SLC39A11: variants seen among roughly 807,000 people sequenced by gnomAD.
The protein encoded by SLC39A11 is solute carrier family 39 member 11.
In SLC39A11, 33 loss-of-function variants were observed where a neutral mutation model predicts 36.1. The observed-to-expected ratio is 0.91, with a 90% CI of 0.69 to 1.22. SLC39A11 has a LOEUF of 1.22. Ranked by LOEUF, SLC39A11 falls within the 50% of genes most tolerant of loss-of-function variation. SLC39A11 has a pLI of 0.00. For synonymous variants in SLC39A11, 166 were observed against 170.3 expected, an observed-to-expected ratio of 0.97 and a Z score of 0.20; for missense variants, 432 against 430.3, an observed-to-expected ratio of 1.00 and a Z score of -0.03.
intron 5 of SLC39A11, among the ~76,000 whole-genome samples, chr17:72,924,371 T>C (rs565677660): frequency 1.7e-4 from 26 of 152,146 alleles, no homozygotes; most frequent in Non-Finnish European, 3.4e-4. Context: ...CAAAGTGGCC[T>C]GTAATTAAAT....
At chr17:72,767,559 G>T (rs1277069251) in intron 6 of SLC39A11, among the ~76,000 whole-genome samples, 1 of 152,234 alleles carries the variant, frequency 6.6e-6, no homozygotes, top group Non-Finnish European at 1.5e-5. Flanking sequence ...ATACTGCAGA[G>T]CTGGAAGACA....
At chr17:72,959,082 T>C (rs2147893203) in intron 4 of SLC39A11, among the ~76,000 whole-genome samples, 1 of 151,862 alleles carries the variant, frequency 6.6e-6, no homozygotes, top group South Asian at 2.1e-4. Flanking sequence ...TGTAAACTAG[T>C]ACAACTACTA....
intron 6 of SLC39A11, among the ~76,000 whole-genome samples, chr17:72,751,451 A>T (rs1249681280): frequency 1.3e-5 from 2 of 152,034 alleles, no homozygotes; most frequent in Non-Finnish European, 2.9e-5. Flanking sequence ...TCTTATTACC[A>T]TTTTTAATTG....
intron 6 of SLC39A11, among the ~76,000 whole-genome samples, chr17:72,792,144 T>G (rs2076728533): frequency 6.6e-6 from 1 of 152,116 alleles, no homozygotes; most frequent in South Asian, 2.1e-4. Context: ...GCTGAACATA[T>G]GACAAGCAAT....
chr17:73,062,475 A>AAAAAC (rs56021607), intron 3 of SLC39A11, among the ~76,000 whole-genome samples: 13,594 of 86,966 alleles, frequency 0.16, 2,206 homozygotes, highest in East Asian at 0.45. Flanking sequence ...AAAAAAAAAA[A>AAAAAC]AAACTTTAGG....
intron 5 of SLC39A11, among the ~76,000 whole-genome samples, chr17:72,897,068 A>AC (rs1355031584): frequency 1.3e-5 from 2 of 150,198 alleles, no homozygotes; most frequent in Non-Finnish European, 3.0e-5. Flanking sequence ...AAAAAAAAAA[A>AC]AAACAAACAG....
chr17:72,694,410 C>T (rs1007902829), intron 7 of SLC39A11, among the ~76,000 whole-genome samples: 23 of 152,364 alleles, frequency 1.5e-4, no homozygotes, highest in Middle Eastern at 6.8e-3. Context: ...GCTTCCTTCT[C>T]TGGCTCCTGT....
intron 6 of SLC39A11, among the ~76,000 whole-genome samples, chr17:72,777,105 A>G (rs2076163036): frequency 6.6e-6 from 1 of 152,148 alleles, no homozygotes. Flanking sequence ...GCCTGAATAA[A>G]CGTATTCACA....
rs556323042 is a variant in SLC39A11 at position 72,918,179 on chromosome 17, C to T, written c.430+29573G>A. On this transcript the variant is annotated intron_variant, in intron 5 of 9. Coordinates refer to ENST00000255559, the MANE Select transcript of SLC39A11 (RefSeq NM_139177.4). ...ATCCCAGCACTTTGGGAGGCCGAGG[C>T]GGGTGGATCTCCTGAGGTCAGGAGT... Among the ~76,000 whole-genome samples the T allele has an allele frequency of 1.7e-3, 255 of 152,140 alleles. 1 individual carries two copies. The highest frequency in any genetic ancestry group is 5.9e-3 in the African/African-American group (246 of 41,508).
chr17:72,978,210 C>T lies in SLC39A11; in HGVS notation c.307-30335G>A, dbSNP rs574294901. Among the ~76,000 whole-genome samples, 47 of 151,640 alleles carry T rather than the reference C, an allele frequency of 3.1e-4. 1 individual carries two copies. In the South Asian group the frequency reaches 8.2e-3, roughly 26 times the overall value. ...AGGCGTTCCCTGCCTTCCTCTTCCTCTTCCTTCCTTCCTTCCTCTTTCCCT... is the reference window on the plus strand; with the variant it reads ...AGGCGTTCCCTGCCTTCCTCTTCCTTTTCCTTCCTTCCTTCCTCTTTCCCT... On this transcript the variant is annotated intron_variant, in intron 4 of 9. Coordinates refer to ENST00000255559, the MANE Select transcript of SLC39A11 (RefSeq NM_139177.4).
At chr17:72,846,625 A>C (rs536797250) in intron 6 of SLC39A11, among the ~76,000 whole-genome samples, 14 of 152,348 alleles carry the variant, frequency 9.2e-5, no homozygotes, top group Admixed American at 8.5e-4. Flanking sequence ...AGCATAATGA[A>C]TCACCCAAGT....
chr17:72,766,349 C>T (rs1220810681), intron 6 of SLC39A11, among the ~76,000 whole-genome samples: 1 of 152,194 alleles, frequency 6.6e-6, no homozygotes, highest in Non-Finnish European at 1.5e-5. Context: ...AGAAGAATTG[C>T]TGGGTCAACA....
intron 5 of SLC39A11, among the ~76,000 whole-genome samples, chr17:72,907,216 G>A (rs906941233): frequency 1.3e-5 from 2 of 152,246 alleles, no homozygotes; most frequent in Non-Finnish European, 2.9e-5. Context: ...CGCGCTGGGT[G>A]CGGGGGCTCA....
intron 5 of SLC39A11, among the ~76,000 whole-genome samples, chr17:72,899,393 TG>T (rs763297670): frequency 1.1e-4 from 17 of 152,312 alleles, no homozygotes; most frequent in African/African-American, 4.1e-4. Context: ...TTATTTACAT[TG>T]TTTTTTTACC....
intron 7 of SLC39A11, among the ~76,000 whole-genome samples, chr17:72,700,785 CAA>C (rs2072572910): frequency 6.6e-6 from 1 of 152,316 alleles, no homozygotes; most frequent in East Asian, 1.9e-4. Flanking sequence ...TGGCGGCAGA[CAA>C]GAGAAGAGTG....
intron 4 of SLC39A11, among the ~76,000 whole-genome samples, chr17:72,982,012 G>A (rs935125491): frequency 4.6e-5 from 7 of 152,136 alleles, no homozygotes; most frequent in African/African-American, 1.7e-4. Context: ...GGAGGCCAAG[G>A]CAAGAGGATT....
At chr17:72,959,323 G>GTATATATATATATATA (rs766454318) in intron 4 of SLC39A11, among the ~76,000 whole-genome samples, 12 of 81,464 alleles carry the variant, frequency 1.5e-4, no homozygotes, top group Non-Finnish European at 2.2e-4. Context: ...GTGTGTGTGT[G>GTATATATATATATATA]TGTATATATA....
chr17:72,924,966 C>T (rs1175650920), intron 5 of SLC39A11, among the ~76,000 whole-genome samples: 4 of 145,606 alleles, frequency 2.7e-5, no homozygotes, highest in South Asian at 2.2e-4. Context: ...TGTGCCACTG[C>T]ACTCCAGCCT....
chr17:72,676,102 A>T (rs9903370), intron 7 of SLC39A11, among the ~76,000 whole-genome samples: 38,858 of 151,044 alleles, frequency 0.26, 5,061 homozygotes, highest in South Asian at 0.27. Context: ...ACACACACAC[A>T]CTTGCTGTAT....
Sources: allele counts gnomAD v4.1 joint callset (sites outside exome capture counted in the v4.1 genomes callset), GRCh38; gene constraint gnomAD v4.1.1; transcripts MANE v1.5; gene names NCBI Gene and HGNC (gene_info 2026-07-23, HGNC 2026-07-21).